Variants in ATXN10 observed in about 807,000 individuals in gnomAD.
ATXN10 encodes the protein ataxin 10, also known as ataxin-10.
A neutral mutation model predicts 52.9 loss-of-function variants in ATXN10; 28 were observed. The ratio of observed to expected loss-of-function variants is 0.53; its 90% CI spans 0.39 to 0.73. ATXN10 has a LOEUF of 0.73. ATXN10 is among the 30% of genes least tolerant of loss of function. The pLI, the probability that ATXN10 is intolerant of heterozygous loss-of-function variation, is 0.00. For synonymous variants in ATXN10, 226 were observed against 221.5 expected (o/e 1.02, Z -0.18); for missense variants, 565 against 577.0 (o/e 0.98, Z 0.21).
chr22:45,702,952 A>G, intron 5 of ATXN10, 105 bp downstream of exon 5: 2 of 1,390,162 alleles, frequency 1.4e-6, no homozygotes, highest in Non-Finnish European at 2.0e-6. Flanking sequence ...ATTGAACGAT[A>G]AGTTAAAACT....
intron 9 of ATXN10, among the ~76,000 whole-genome samples, chr22:45,788,103 A>G (rs1211468313): frequency 6.6e-6 from 1 of 152,122 alleles, no homozygotes; most frequent in Non-Finnish European, 1.5e-5. Context: ...CCAGTGCCCA[A>G]GATTTAAGGG....
At chr22:45,810,533 A>T (rs1928247126) in intron 10 of ATXN10, among the ~76,000 whole-genome samples, 1 of 152,246 alleles carries the variant, frequency 6.6e-6, no homozygotes, top group Non-Finnish European at 1.5e-5. Flanking sequence ...TAAAGCCCCC[A>T]CATACTGAGT....
chr22:45,692,945 A>G, intron 2 of ATXN10, 51 bp from the exon 3 acceptor site: 3 of 1,480,010 alleles, frequency 2.0e-6, no homozygotes, highest in African/African-American at 2.8e-5. Context: ...AGCCATAGAC[A>G]ATATATGAAT....
At position 45,672,142 on chromosome 22, in the gene ATXN10, C is replaced by T; in HGVS notation, c.79C>T (p.Arg27Cys). 1 of 1,539,720 alleles carries T rather than the reference C, an allele frequency of 6.5e-7. No homozygotes were observed. Among genetic ancestry groups the T allele is most frequent in the Non-Finnish European group, 8.7e-7 (1 of 1,145,232 alleles). Residue 27 changes from arginine to cysteine, a missense_variant, in exon 1 of 12, where the codon CGC becomes TGC. Physicochemically the swap from Arg to Cys is radical, Grantham distance 180. Transcript: ENST00000252934. Reference sequence around the variant, plus strand: ...GCCCATCCAAGACCTGGAGGCCCTGCGCGCGCTCACGGCGCTCTTCAAAGA... The same window carrying T: ...GCCCATCCAAGACCTGGAGGCCCTGTGCGCGCTCACGGCGCTCTTCAAAGA... ...PAPIQDLEAL[R>C]ALTALFKEQR...
At chr22:45,758,432 T>C (rs928472506) in intron 9 of ATXN10, among the ~76,000 whole-genome samples, 1 of 152,244 alleles carries the variant, frequency 6.6e-6, no homozygotes, top group Non-Finnish European at 1.5e-5. Flanking sequence ...GACTTTGTGC[T>C]TGGAACAAAA....
rs2146787181 is a variant in ATXN10 at position 45,727,557 on chromosome 22, C to T, written c.729-1868C>T. On this transcript the variant is annotated intron_variant, in intron 6 of 11. Transcript: ENST00000252934. The surrounding 1 kb of genome is among the most constrained non-coding windows in gnomAD (Gnocchi z 4.6). ...TGTATTTTTAGTAGAGATGGGGTTT[C>T]ACCATGTTGGCCAGGCTGGTCTCGA... is the stretch of plus-strand genomic sequence containing the variant. Among the ~76,000 whole-genome samples the T allele has an allele frequency of 6.6e-6, 1 of 152,208 alleles. No individual in the cohort carries two copies. The highest frequency in any genetic ancestry group is 6.5e-5 in the Admixed American group (1 of 15,286).
At chr22:45,716,220 G>A (rs1259858433) in intron 5 of ATXN10, among the ~76,000 whole-genome samples, 1 of 152,044 alleles carries the variant, frequency 6.6e-6, no homozygotes, top group African/African-American at 2.4e-5. Flanking sequence ...AGCTATGATC[G>A]CACAACTGCA....
intron 9 of ATXN10, chr22:45,792,771 G>T: frequency 6.3e-6 from 3 of 479,222 alleles, no homozygotes; most frequent in Non-Finnish European, 1.3e-5. Context: ...TTTTGAAATC[G>T]TCAACCTCCA....
At position 45,690,008 on chromosome 22, in the gene ATXN10, C is replaced by T. The variant is rs1001816169; in HGVS notation, c.308+105C>T. 4 of 1,195,706 alleles carry T rather than the reference C, an allele frequency of 3.3e-6. No individual in the cohort carries two copies. In the African/African-American group the frequency reaches 6.0e-5, roughly 18 times the overall value. 74.1% of individuals were successfully genotyped at this position (1,195,706 alleles called of 1,614,324 possible). A position where few individuals can be genotyped will look rare whatever the true frequency, so the allele number is the denominator to read the frequency against. On this transcript the variant is annotated intron_variant, in intron 2 of 11. Transcript: ENST00000252934. This position sits in a 1 kb window ranked among gnomAD's most constrained non-coding sequence, Gnocchi z 4.5. ...TTGTTTTGGGCTGGGTAAGGTGGCT[C>T]ATGCCTGTAATCCCAGCATTTTGGG...
Position 45,780,238 on chromosome 22 carries a change from C to T in ATXN10, c.1174-26721C>T, listed in dbSNP as rs1374698062. Among the ~76,000 whole-genome samples the T allele has an allele frequency of 2.0e-5, 3 of 152,154 alleles. No individual in the cohort carries two copies. The highest frequency in any genetic ancestry group is 3.9e-4 in the East Asian group (2 of 5,188). On this transcript the variant is annotated intron_variant, in intron 9 of 11. Coordinates refer to ENST00000252934, the MANE Select transcript of ATXN10 (RefSeq NM_013236.4). This position sits in a 1 kb window ranked among gnomAD's most constrained non-coding sequence, Gnocchi z 4.0. ...AGCTGGGATTACAGGCGTGTGCCAC[C>T]ACGCCCAGCTAATTTTTGTATTTTT... is the stretch of plus-strand genomic sequence containing the variant.
At chr22:45,755,684 A>T (rs991557507) in intron 9 of ATXN10, among the ~76,000 whole-genome samples, 9 of 152,196 alleles carry the variant, frequency 5.9e-5, no homozygotes, top group Non-Finnish European at 1.0e-4. Flanking sequence ...TTTGAACCTT[A>T]TTCAAGACCC....
chr22:45,812,736 C>G (rs1254252172), intron 10 of ATXN10, among the ~76,000 whole-genome samples: 3 of 152,214 alleles, frequency 2.0e-5, no homozygotes, highest in Non-Finnish European at 4.4e-5. Context: ...CCACTCTTCT[C>G]TGAGCACTCT....
chr22:45,720,547 A>G (rs749094933), intron 6 of ATXN10, among the ~76,000 whole-genome samples: 4 of 152,162 alleles, frequency 2.6e-5, no homozygotes, highest in Non-Finnish European at 4.4e-5. Context: ...GGTGTGAAGG[A>G]TGTTCACATT....
chr22:45,766,375 ATGATC>A lies in ATXN10; in HGVS notation c.1173+25841_1173+25845del, dbSNP rs553646199. On this transcript the variant is annotated intron_variant, in intron 9 of 11. Transcript: ENST00000252934. The surrounding 1 kb of genome is among the most constrained non-coding windows in gnomAD (Gnocchi z 4.6). Reference sequence around the variant, plus strand: ...GCTGTCTATGAGAATCTAATGCCTAATGATCTGAGGTGGAACAGTTTCATCCTGAA... The same window carrying A: ...GCTGTCTATGAGAATCTAATGCCTAATGAGGTGGAACAGTTTCATCCTGAA... Among the ~76,000 whole-genome samples, 117 of 152,330 alleles carry A rather than the reference ATGATC, an allele frequency of 7.7e-4. No homozygotes were observed. The highest frequency in any genetic ancestry group is 3.4e-3 in the Middle Eastern group (1 of 294).
Position 45,837,163 on chromosome 22 carries a change from A to G in ATXN10, c.1238-5828A>G, listed in dbSNP as rs1261927819. Among the ~76,000 whole-genome samples the G allele has an allele frequency of 2.0e-5, 3 of 152,240 alleles. No individual in the cohort carries two copies. In the East Asian group the frequency reaches 5.8e-4, roughly 29 times the overall value. On this transcript the variant is annotated intron_variant, in intron 10 of 11. Transcript: ENST00000252934. This position sits in a 1 kb window ranked among gnomAD's most constrained non-coding sequence, Gnocchi z 5.8. ...CAGATATTATAAATAAAGTCCATAT[A>G]TATCAGAACATTATGAAAAGTCTTT...
At position 45,683,183 on chromosome 22, in the gene ATXN10, G is replaced by T. The variant is rs1288429184; in HGVS notation, c.117-6529G>T. Among the ~76,000 whole-genome samples the T allele has an allele frequency of 6.6e-6, 1 of 152,194 alleles. No homozygotes were observed. Among genetic ancestry groups the T allele is most frequent in the African/African-American group, 2.4e-5 (1 of 41,450 alleles). ...AAAATACAAAAATTTGTTGGGCATG[G>T]TGGCACATGCCTGAAATTCTACCTA... On this transcript the variant is annotated intron_variant, in intron 1 of 11. Coordinates refer to ENST00000252934, the MANE Select transcript of ATXN10 (RefSeq NM_013236.4). The surrounding 1 kb of genome is among the most constrained non-coding windows in gnomAD (Gnocchi z 4.8).
rs551587830 is a variant in ATXN10 at position 45,684,159 on chromosome 22, T to C, written c.117-5553T>C. 6.7e-6 allele frequency among the ~76,000 whole-genome samples: 1 copy of C among 148,808 alleles called. No homozygotes were observed. Among genetic ancestry groups the C allele is most frequent in the Non-Finnish European group, 1.5e-5 (1 of 67,464 alleles). ...TTTGTTTTTTTTTTTTTTGTAGAGATAGGGTCTTGCTATGTTAGGCAGGTC... is the reference window on the plus strand; with the variant it reads ...TTTGTTTTTTTTTTTTTTGTAGAGACAGGGTCTTGCTATGTTAGGCAGGTC... On this transcript the variant is annotated intron_variant, in intron 1 of 11. Coordinates refer to ENST00000252934, the MANE Select transcript of ATXN10 (RefSeq NM_013236.4). The surrounding 1 kb of genome is among the most constrained non-coding windows in gnomAD (Gnocchi z 4.1).
Position 45,841,146 on chromosome 22 carries a change from C to T in ATXN10, c.1238-1845C>T, listed in dbSNP as rs1038061313. Among the ~76,000 whole-genome samples, 2 of 152,128 alleles carry T rather than the reference C, an allele frequency of 1.3e-5. No homozygotes were observed. The highest frequency in any genetic ancestry group is 2.1e-4 in the South Asian group (1 of 4,822). On this transcript the variant is annotated intron_variant, in intron 10 of 11. Coordinates refer to ENST00000252934, the MANE Select transcript of ATXN10 (RefSeq NM_013236.4). The surrounding 1 kb of genome is among the most constrained non-coding windows in gnomAD (Gnocchi z 5.1). ...CGGATATTCAAATTTAGGTTTAATG[C>T]CTTTGAATATTTGAATAGATTCTGT... is the stretch of plus-strand genomic sequence containing the variant.
intron 6 of ATXN10, among the ~76,000 whole-genome samples, chr22:45,724,480 C>T (rs1026532285): frequency 2.0e-5 from 3 of 152,036 alleles, no homozygotes; most frequent in African/African-American, 7.2e-5. Context: ...TGGGAAATGT[C>T]TATTCATGTC....
Sources: gnomAD v4.1 joint callset for allele counts (sites outside exome capture counted in the v4.1 genomes callset) on GRCh38, gnomAD v4.1.1 for gene constraint, Gnocchi (gnomAD v3.1) non-coding constraint, MANE v1.5 for transcripts, NCBI Gene and HGNC (gene_info 2026-07-23, HGNC 2026-07-21) for gene names.